NEK9: variants seen among roughly 807,000 people sequenced by gnomAD.
NEK9 encodes serine/threonine-protein kinase Nek9.
NEK9 carries 75 observed loss-of-function variants against 123.4 expected under a neutral mutation model. The observed-to-expected ratio is 0.61, with a 90% CI of 0.50 to 0.74. The LOEUF is 0.74. NEK9 is among the 30% of genes least tolerant of loss of function. NEK9 has a pLI of 0.00. For synonymous variants in NEK9, 438 were observed against 458.7 expected, an observed-to-expected ratio of 0.95 and a Z score of 0.58; for missense variants, 952 against 1,214.4, an observed-to-expected ratio of 0.78 and a Z score of 3.21.
At chr14:75,121,667 G>T (rs781084857) in intron 2 of NEK9, among the ~76,000 whole-genome samples, 2 of 152,154 alleles carry the variant, frequency 1.3e-5, no homozygotes, top group African/African-American at 4.8e-5. Flanking sequence ...TGGGCAACAC[G>T]GCAAAACCCT....
chr14:75,094,462 G>C (rs1278250250), intron 18 of NEK9, among the ~76,000 whole-genome samples: 1 of 152,138 alleles, frequency 6.6e-6, no homozygotes, highest in African/African-American at 2.4e-5. Context: ...GCTTTAATCT[G>C]CTTTTATTCT....
At chr14:75,114,162 G>T in intron 7 of NEK9, 41 bp downstream of exon 7, 1 of 1,389,780 alleles carries the variant, frequency 7.2e-7, no homozygotes, top group Non-Finnish European at 1.0e-6. Flanking sequence ...AGGCTGGAAG[G>T]GGAAATACGA....
chr14:75,124,054 T>C lies in NEK9; in HGVS notation c.389A>G (p.Tyr130Cys). The part of the protein sequence containing the change: ...DNTTLLIELE[Y>C]CNGGNLYDKI... Reference sequence around the variant, plus strand: ...ACTGAACTCTATCTTACCATTACAATATTCCAGCTCAATCAGCAGCGTGGT... The same window carrying C: ...ACTGAACTCTATCTTACCATTACAACATTCCAGCTCAATCAGCAGCGTGGT... Residue 130 changes from tyrosine to cysteine, a missense_variant, in exon 2 of 22, where the codon TAT (tyrosine) becomes TGT (cysteine). Tyr to Cys is a radical substitution (Grantham distance 194, BLOSUM62 -2). Transcript: ENST00000238616. The C allele has an allele frequency of 6.2e-7, 1 of 1,611,830 alleles. No homozygotes were observed. The highest frequency in any genetic ancestry group is 1.7e-4 in the Middle Eastern group (1 of 6,060).
intron 2 of NEK9, among the ~76,000 whole-genome samples, chr14:75,122,661 T>C (rs1009066845): frequency 1.3e-5 from 2 of 151,536 alleles, no homozygotes; most frequent in Non-Finnish European, 2.9e-5. Flanking sequence ...CGCGCCACCA[T>C]GCACAGCTAA....
In NEK9 at chr14:75,114,267, A is replaced by G; in HGVS notation, c.809T>C (p.Met270Thr). ...AGAGTACTGGCTAGAGTCAACTTCCATGGCCCGAATTCCTTGCACGATCTT... is the reference window on the plus strand; with the variant it reads ...AGAGTACTGGCTAGAGTCAACTTCCGTGGCCCGAATTCCTTGCACGATCTT... Reference protein sequence around the residue: ...CVKIVQGIRAMEVDSSQYSLE... With the variant: ...CVKIVQGIRATEVDSSQYSLE... The change falls in exon 7 of 22, where the codon ATG (methionine) becomes ACG (threonine). Residue 270 changes from methionine (M) to threonine (T), a missense_variant. This residue lies in a region of NEK9 where 698 missense variants were observed against 875.6 expected (regional missense o/e 0.80). Coordinates refer to ENST00000238616, the MANE Select transcript of NEK9 (RefSeq NM_033116.6). 1 of 1,614,158 alleles carries G rather than the reference A, an allele frequency of 6.2e-7. No individual in the cohort carries two copies. Among genetic ancestry groups the G allele is most frequent in the Non-Finnish European group, 8.5e-7 (1 of 1,180,014 alleles).
In NEK9 at chr14:75,100,979, T is replaced by G. The variant is rs766403349; in HGVS notation, c.2002+13A>C. On this transcript the variant is annotated intron_variant, in intron 16 of 21. Coordinates refer to ENST00000238616, the MANE Select transcript of NEK9 (RefSeq NM_033116.6). ...TGTGTCCAGAAAGCTTGAAATGATATGTACAGACTCACCATCAGTGGCAGC... is the reference window on the plus strand; with the variant it reads ...TGTGTCCAGAAAGCTTGAAATGATAGGTACAGACTCACCATCAGTGGCAGC... The G allele has an allele frequency of 1.2e-6, 2 of 1,612,044 alleles. No homozygotes were observed. Among genetic ancestry groups the G allele is most frequent in the African/African-American group, 2.7e-5 (2 of 74,844 alleles).
intron 2 of NEK9, 151 bp downstream of exon 2, chr14:75,123,895 A>C (rs1230232694): frequency 3.4e-6 from 2 of 590,682 alleles, no homozygotes; most frequent in Non-Finnish European, 5.3e-6. Context: ...CACTTCAAAA[A>C]TTCTCCAAGG....
intron 7 of NEK9, among the ~76,000 whole-genome samples, chr14:75,113,903 A>G (rs1188168520): frequency 6.6e-6 from 1 of 151,632 alleles, no homozygotes; most frequent in African/African-American, 2.4e-5. Flanking sequence ...ATTATCTTTC[A>G]TTGCAGTTTT....
At chr14:75,094,974 C>T (rs1894334181) in intron 18 of NEK9, among the ~76,000 whole-genome samples, 1 of 152,128 alleles carries the variant, frequency 6.6e-6, no homozygotes, top group Admixed American at 6.6e-5. Flanking sequence ...CCTAACCACA[C>T]TGAAAGTTTA....
intron 7 of NEK9, 142 bp downstream of exon 7, chr14:75,114,060 AC>A (rs879940260): frequency 8.6e-6 from 5 of 578,476 alleles, no homozygotes; most frequent in Non-Finnish European, 1.6e-5. Context: ...AATTACCAAT[AC>A]CTATTCTGGG....
chr14:75,125,901 A>T lies in NEK9; in HGVS notation c.219+802T>A, dbSNP rs181010425. Among the ~76,000 whole-genome samples, 496 of 152,304 alleles carry T rather than the reference A, an allele frequency of 3.3e-3. 9 individuals are homozygous for T. Among genetic ancestry groups the T allele is most frequent in the African/African-American group, 0.011 (477 of 41,562 alleles). ...TTATGATCAAATCTAGTGTATCGTT[A>T]GTTTTTGGAAGTAGAATAATCACTG... On this transcript the variant is annotated intron_variant, in intron 1 of 21. Coordinates refer to ENST00000238616, the MANE Select transcript of NEK9 (RefSeq NM_033116.6).
chr14:75,118,927 T>G lies in NEK9; in HGVS notation c.533A>C (p.Lys178Thr). The change falls in exon 5 of 22, where the codon AAG becomes ACG. Residue 178 changes from lysine (K) to threonine (T), a missense_variant. This residue lies in a region of NEK9 where 106 missense variants were observed against 153.0 expected (regional missense o/e 0.69). Coordinates refer to ENST00000238616, the MANE Select transcript of NEK9 (RefSeq NM_033116.6). ...CTTGGTCAGAAAAATATTTAATGTC[T>G]TTATATCTCTGAAAAAAAAAGATGC... ...HKAGILHRDI[K>T]TLNIFLTKAN... is the part of the protein sequence containing the mutation. 6.6e-7 allele frequency: 1 copy of G among 1,517,574 alleles called. No individual in the cohort carries two copies. The highest frequency in any genetic ancestry group is 9.1e-7 in the Non-Finnish European group (1 of 1,094,942). The allele number at this position is 1,517,574 out of a possible 1,614,324, so 94.0% of individuals were successfully genotyped here.
At chr14:75,104,316 C>T (rs1185120714) in intron 13 of NEK9, among the ~76,000 whole-genome samples, 1 of 151,738 alleles carries the variant, frequency 6.6e-6, no homozygotes, top group Non-Finnish European at 1.5e-5. Flanking sequence ...CAGGTGCATG[C>T]CACCACGCCC....
chr14:75,102,009 T>C (rs1438750921), intron 14 of NEK9, among the ~76,000 whole-genome samples: 1 of 152,220 alleles, frequency 6.6e-6, no homozygotes, highest in African/African-American at 2.4e-5. Context: ...GATTCTGACT[T>C]AGGGTTTATA....
chr14:75,113,286 C>T, intron 8 of NEK9, 53 bp downstream of exon 8: 2 of 1,412,270 alleles, frequency 1.4e-6, no homozygotes, highest in Non-Finnish European at 2.0e-6. Flanking sequence ...GATCAAGCCT[C>T]TAAAAGTCAA....
chr14:75,108,909 C>A (rs540401998), intron 10 of NEK9, among the ~76,000 whole-genome samples: 3 of 152,200 alleles, frequency 2.0e-5, no homozygotes, highest in Admixed American at 2.0e-4. Context: ...AGCCTGAGAA[C>A]GCATAGCAAG....
intron 17 of NEK9, 153 bp downstream of exon 17, chr14:75,096,947 C>T (rs1336989823): frequency 1.1e-5 from 6 of 526,822 alleles, no homozygotes; most frequent in Non-Finnish European, 1.9e-5. Flanking sequence ...TGTTCTGTTC[C>T]CACCACTAGG....
In NEK9 at chr14:75,091,244, C is replaced by G. The variant is rs183280591; in HGVS notation, c.2442+26G>C. ...CCTGCAAAGGGCCACATATTTTATC[C>G]AAGTTACTTCTTCCAAAGGAATTAC... is the stretch of plus-strand genomic sequence containing the variant. On this transcript the variant is annotated intron_variant, in intron 19 of 21. Coordinates refer to ENST00000238616, the MANE Select transcript of NEK9 (RefSeq NM_033116.6). The G allele has an allele frequency of 4.4e-6, 7 of 1,583,966 alleles. 1 individual carries two copies. The African/African-American group carries it at 5.4e-5, about 12-fold the overall frequency.
intron 7 of NEK9, 52 bp downstream of exon 7, chr14:75,114,151 G>GAGGC: frequency 1.5e-6 from 2 of 1,303,408 alleles, no homozygotes; most frequent in Non-Finnish European, 2.2e-6. Context: ...ACCAAACACT[G>GAGGC]AGGCTGGAAG....
Sources: gnomAD v4.1 joint callset for allele counts (sites outside exome capture counted in the v4.1 genomes callset) on GRCh38, gnomAD v4.1.1 for gene constraint, gnomAD v4.1.1 regional missense constraint, MANE v1.5 for transcripts, NCBI Gene and HGNC (gene_info 2026-07-23, HGNC 2026-07-21) for gene names.